Variants in ZNF254 observed in about 807,000 individuals in gnomAD.
The protein encoded by ZNF254 is zinc finger protein 254, also known as CTD-2017D11.1.
ZNF254 carries 10 observed loss-of-function variants against 12.4 expected under a neutral mutation model. That is an observed-to-expected ratio of 0.80 (90% CI 0.50 to 1.36). The LOEUF is 1.36. Among genes scored for constraint, ZNF254 ranks in the 40% most tolerant of loss-of-function variants. The pLI is 0.00. For synonymous variants in ZNF254, 305 were observed against 253.4 expected (o/e 1.20, Z -1.93); for missense variants, 996 against 763.9 (o/e 1.30, Z -3.58).
In ZNF254 at chr19:24,037,443, G is replaced by GT. The variant is rs1437081094; in HGVS notation, c.-190+3830dup. Among the ~76,000 whole-genome samples the GT allele has an allele frequency of 5.3e-5, 8 of 151,634 alleles. No individual in the cohort carries two copies. The East Asian group carries it at 5.8e-4, about 11-fold the overall frequency. On this transcript the variant is annotated intron_variant, in intron 1 of 4. Coordinates refer to the ZNF254 transcript ENST00000613065. ...AACTTTTGTATTTATTTATTTTTAT[G>GT]TTTTTTTTGAGACTGAGTCTTGCTC...
chr19:24,115,356 T>C (rs1481061881), intron 3 of ZNF254, among the ~76,000 whole-genome samples: 1 of 152,126 alleles, frequency 6.6e-6, no homozygotes, highest in African/African-American at 2.4e-5. Context: ...TCAATAATGA[T>C]GAGTTCATGT....
chr19:24,126,530 C>T lies in ZNF254; in HGVS notation c.530C>T (p.Thr177Ile), dbSNP rs575872593. ...TCAAACAGACCTAAGATAAGACATA[C>T]TGAAAAGAAATCTTTCAAATGTAAA... is the stretch of plus-strand genomic sequence containing the variant. ...LNSNRPKIRH[T>I]EKKSFKCKKR... is the part of the protein sequence containing the mutation. The change falls in exon 4 of 4, where the codon ACT becomes ATT. Residue 177 changes from threonine (T) to isoleucine (I), a missense_variant. Physicochemically the swap from Thr to Ile is moderately conservative, Grantham distance 89. Transcript: ENST00000357002. 2.9e-5 allele frequency: 47 copies of T among 1,600,388 alleles called. 1 individual carries two copies. In the South Asian group the frequency reaches 4.3e-4, roughly 15 times the overall value.
At chr19:24,043,995 C>G (rs1970275565) in intron 1 of ZNF254, among the ~76,000 whole-genome samples, 1 of 151,876 alleles carries the variant, frequency 6.6e-6, no homozygotes, top group Admixed American at 6.6e-5. Context: ...AATCTCAGCC[C>G]TTTGGGAGGG....
chr19:24,110,023 C>T (rs1261780331), intron 3 of ZNF254, among the ~76,000 whole-genome samples: 1 of 151,974 alleles, frequency 6.6e-6, no homozygotes. Flanking sequence ...GCCACCGTAC[C>T]CGGCCTCTTA....
chr19:24,101,016 A>G (rs1263347769), intron 1 of ZNF254, among the ~76,000 whole-genome samples: 4 of 151,924 alleles, frequency 2.6e-5, no homozygotes, highest in Non-Finnish European at 4.4e-5. Context: ...TAGTAGAGAT[A>G]GGGTTTCTTC....
chr19:24,111,582 G>A (rs1479123753), intron 3 of ZNF254, among the ~76,000 whole-genome samples: 1 of 152,206 alleles, frequency 6.6e-6, no homozygotes, highest in Admixed American at 6.5e-5. Flanking sequence ...GTGTAAAAGT[G>A]TTCCTATTTC....
upstream of ZNF254, among the ~76,000 whole-genome samples, chr19:24,086,266 G>C (rs573304586): frequency 3.3e-5 from 5 of 152,200 alleles, no homozygotes; most frequent in Non-Finnish European, 7.4e-5. Flanking sequence ...TAAAAATCTA[G>C]AATGGTCAAA....
chr19:24,113,892 CAGAG>C (rs1464655708), intron 3 of ZNF254, among the ~76,000 whole-genome samples: 50 of 152,042 alleles, frequency 3.3e-4, no homozygotes, highest in African/African-American at 7.5e-4. Flanking sequence ...ACACCAATAA[CAGAG>C]AGCCAAATCA....
At chr19:24,045,218 C>T (rs527833226) in intron 1 of ZNF254, among the ~76,000 whole-genome samples, 3 of 152,268 alleles carry the variant, frequency 2.0e-5, no homozygotes, top group East Asian at 3.9e-4. Flanking sequence ...AAAGCCCCTG[C>T]GTTTATCACT....
At chr19:24,069,949 C>T (rs1031185710) in intron 2 of ZNF254, among the ~76,000 whole-genome samples, 1 of 152,124 alleles carries the variant, frequency 6.6e-6, no homozygotes, top group African/African-American at 2.4e-5. Context: ...ATAAAAACAT[C>T]CTGCCGCTCA....
intron 1 of ZNF254, among the ~76,000 whole-genome samples, chr19:24,044,650 A>G (rs1346651201): frequency 1.4e-5 from 2 of 147,494 alleles, no homozygotes; most frequent in Non-Finnish European, 3.0e-5. Flanking sequence ...AGTTTTGTGG[A>G]TCTTATATTT....
intron 1 of ZNF254, chr19:24,105,724 A>G: frequency 1.8e-6 from 1 of 564,258 alleles, no homozygotes; most frequent in Non-Finnish European, 2.7e-6. Flanking sequence ...GACAAGTATC[A>G]CATATACACT....
chr19:24,126,478 T>C lies in ZNF254; in HGVS notation c.478T>C (p.Leu160=), dbSNP rs1304695165. 3 of 1,588,130 alleles carry C rather than the reference T, an allele frequency of 1.9e-6. No homozygotes were observed. Among genetic ancestry groups the C allele is most frequent in the Admixed American group, 1.9e-5 (1 of 52,676 alleles). ...QSKVFQCDKY[L]KVFYKFLNSN... is the part of the protein sequence containing the mutation. The stretch of plus-strand genomic sequence containing the variant: ...CAAAGTATTTCAATGTGATAAATAT[T>C]TGAAAGTCTTCTATAAATTTTTAAA... The change falls in exon 4 of 4, where the codon TTG becomes CTG. Residue 160 remains leucine (L), a synonymous_variant. Transcript: ENST00000357002.
intron 1 of ZNF254, among the ~76,000 whole-genome samples, chr19:24,100,287 C>T (rs551354081): frequency 6.6e-6 from 1 of 151,656 alleles, no homozygotes; most frequent in Non-Finnish European, 1.5e-5. Context: ...TTTCCCTTCT[C>T]TCGCTAAAAT....
chr19:24,059,525 C>T (rs1230384620), intron 2 of ZNF254, among the ~76,000 whole-genome samples: 2 of 152,142 alleles, frequency 1.3e-5, no homozygotes, highest in Non-Finnish European at 2.9e-5. Context: ...ATGTGACTCT[C>T]CTCTACTGCT....
chr19:24,109,944 G>C (rs557384016), intron 3 of ZNF254, among the ~76,000 whole-genome samples: 2 of 151,272 alleles, frequency 1.3e-5, no homozygotes, highest in South Asian at 4.2e-4. Context: ...GGTCAGGCAG[G>C]TCTCAAACTC....
intron 1 of ZNF254, chr19:24,103,907 T>G (rs1423865937): frequency 1.3e-5 from 2 of 152,308 alleles, no homozygotes; most frequent in Non-Finnish European, 2.9e-5. Flanking sequence ...GTATGTTAGG[T>G]AGAGGTGGGG....
At chr19:24,058,648 T>C (rs1410251691) in intron 2 of ZNF254, among the ~76,000 whole-genome samples, 1 of 152,128 alleles carries the variant, frequency 6.6e-6, no homozygotes, top group Admixed American at 6.5e-5. Flanking sequence ...CCTCAGGTGA[T>C]CCACCTGCCT....
intron 1 of ZNF254, among the ~76,000 whole-genome samples, chr19:24,093,577 T>C (rs1972515350): frequency 6.6e-6 from 1 of 152,210 alleles, no homozygotes; most frequent in Non-Finnish European, 1.5e-5. Flanking sequence ...GTCACCTTTG[T>C]TAAAGATCAG....
Sources: allele counts gnomAD v4.1 joint callset (sites outside exome capture counted in the v4.1 genomes callset), GRCh38; gene constraint gnomAD v4.1.1; transcripts MANE v1.5; gene names NCBI Gene and HGNC (gene_info 2026-07-23, HGNC 2026-07-21).